RNF216: variants seen among roughly 807,000 people sequenced by gnomAD.
RNF216 encodes E3 ubiquitin-protein ligase RNF216.
Under a neutral mutation model 110.8 loss-of-function variants are expected in RNF216, and 72 were observed. The ratio of observed to expected loss-of-function variants is 0.65; its 90% CI spans 0.54 to 0.79. The LOEUF is 0.79. Among genes scored for constraint, RNF216 ranks in the 30% least tolerant of loss-of-function variants. RNF216 has a pLI of 0.00. For missense variants in RNF216, 1,342 were observed against 1,141.2 expected (o/e 1.18, Z -2.54); for synonymous variants, 495 against 407.5 (o/e 1.21, Z -2.59).
chr7:5,729,067 G>A (rs943384119), intron 7 of RNF216, among the ~76,000 whole-genome samples: 6 of 152,140 alleles, frequency 3.9e-5, no homozygotes, highest in East Asian at 1.9e-4. Context: ...CAGACCTTAC[G>A]TCCTATCACT....
intron 13 of RNF216, among the ~76,000 whole-genome samples, chr7:5,658,813 C>T (rs1788914006): frequency 6.6e-6 from 1 of 152,014 alleles, no homozygotes; most frequent in South Asian, 2.1e-4. Flanking sequence ...TACAAATAAA[C>T]ACATACGCTG....
chr7:5,692,264 C>T lies in RNF216; in HGVS notation c.2061+19497G>A, dbSNP rs183892035. ...AAGCAGACAAGGATTTGCCACTAAGCCTTTTACTTGTTCCTCACATACCAA... is the reference window on the plus strand; with the variant it reads ...AAGCAGACAAGGATTTGCCACTAAGTCTTTTACTTGTTCCTCACATACCAA... On this transcript the variant is annotated intron_variant, in intron 13 of 16. Transcript: ENST00000389902. Among the ~76,000 whole-genome samples the T allele has an allele frequency of 3.3e-5, 5 of 152,304 alleles. No individual in the cohort carries two copies. The East Asian group carries it at 5.8e-4, about 18-fold the overall frequency.
intron 1 of RNF216, among the ~76,000 whole-genome samples, chr7:5,778,775 G>A (rs1009899213): frequency 6.6e-6 from 1 of 152,110 alleles, no homozygotes; most frequent in African/African-American, 2.4e-5. Context: ...ACGGAGTCTC[G>A]CTCTGTCACC....
intron 13 of RNF216, chr7:5,666,563 A>C (rs1427460961): frequency 6.6e-6 from 1 of 152,274 alleles, no homozygotes; most frequent in Non-Finnish European, 1.5e-5. Context: ...GCTGAAGAAG[A>C]GCCTCTGCAA....
intron 14 of RNF216, among the ~76,000 whole-genome samples, chr7:5,651,306 A>C (rs1372908758): frequency 6.6e-6 from 1 of 151,402 alleles, no homozygotes; most frequent in Non-Finnish European, 1.5e-5. Flanking sequence ...GGCTCACTGC[A>C]ACCTCTGCCT....
intron 5 of RNF216, among the ~76,000 whole-genome samples, chr7:5,735,211 C>T (rs1794325779): frequency 6.6e-6 from 1 of 152,138 alleles, no homozygotes; most frequent in African/African-American, 2.4e-5. Flanking sequence ...AGTCTAAAGT[C>T]GTTTCAAACT....
In RNF216 at chr7:5,711,857, G is replaced by A; in HGVS notation, c.1983-18C>T. The A allele has an allele frequency of 6.2e-7, 1 of 1,608,748 alleles. No individual in the cohort carries two copies. Among genetic ancestry groups the A allele is most frequent in the Non-Finnish European group, 8.5e-7 (1 of 1,175,740 alleles). ...ACGGGCACCTAGAGTCAGAACAGCA[G>A]AACTGACATTACTTCAAACATTAAA... On this transcript the variant is annotated intron_variant, in intron 12 of 16. Coordinates refer to ENST00000389902, the MANE Select transcript of RNF216 (RefSeq NM_207111.4).
At chr7:5,761,647 G>A (rs1242361477) in intron 1 of RNF216, among the ~76,000 whole-genome samples, 2 of 152,204 alleles carry the variant, frequency 1.3e-5, no homozygotes, top group South Asian at 2.1e-4. Context: ...TTAGCTGGGC[G>A]TGGTGGCACG....
chr7:5,662,396 C>G (rs1347680187), intron 13 of RNF216: 3 of 152,218 alleles, frequency 2.0e-5, no homozygotes, highest in Admixed American at 2.0e-4. Context: ...ACTCCCTCAA[C>G]CAGCCCCTGG....
At chr7:5,639,147 C>A (rs1197713249) in intron 15 of RNF216, among the ~76,000 whole-genome samples, 1 of 152,160 alleles carries the variant, frequency 6.6e-6, no homozygotes, top group Non-Finnish European at 1.5e-5. Flanking sequence ...TGACCTGTTG[C>A]AGCTTCTGGA....
Position 5,741,381 on chromosome 7 carries a change from T to C in RNF216, c.636A>G (p.Leu212=), listed in dbSNP as rs1462760708. The C allele has an allele frequency of 6.2e-7, 1 of 1,614,182 alleles. No homozygotes were observed. The highest frequency in any genetic ancestry group is 1.1e-5 in the South Asian group (1 of 91,082). The part of the protein sequence containing the change: ...EDSETELLSN[L]GESAALADDQ... Reference sequence around the variant, plus strand: ...CATCTGCTAGAGCAGCTGACTCTCCTAGATTTGATAACAGCTCTGTCTCTG... The same window carrying C: ...CATCTGCTAGAGCAGCTGACTCTCCCAGATTTGATAACAGCTCTGTCTCTG... Residue 212 remains leucine (L), a synonymous_variant, in exon 4 of 17, where the codon CTA becomes CTG. Coordinates refer to ENST00000389902, the MANE Select transcript of RNF216 (RefSeq NM_207111.4).
At chr7:5,688,154 C>T (rs1321998419) in intron 13 of RNF216, among the ~76,000 whole-genome samples, 2 of 152,206 alleles carry the variant, frequency 1.3e-5, no homozygotes, top group African/African-American at 4.8e-5. Flanking sequence ...ACCAGGCTTT[C>T]ACGCACAGAA....
At chr7:5,720,067 A>G (rs1325713295) in intron 9 of RNF216, among the ~76,000 whole-genome samples, 1 of 152,224 alleles carries the variant, frequency 6.6e-6, no homozygotes, top group Non-Finnish European at 1.5e-5. Context: ...TGAAGAAAAC[A>G]ATGATTGTGA....
chr7:5,674,182 A>C (rs1242637995), intron 13 of RNF216, among the ~76,000 whole-genome samples: 3 of 151,814 alleles, frequency 2.0e-5, no homozygotes, highest in Non-Finnish European at 4.4e-5. Flanking sequence ...GGCACCCACC[A>C]CCACGCCCAG....
intron 2 of RNF216, chr7:5,760,620 A>T (rs990708461): frequency 3.3e-6 from 1 of 300,680 alleles, no homozygotes; most frequent in East Asian, 9.2e-5. Flanking sequence ...AAAGAAATTA[A>T]GCATCATGGG....
chr7:5,779,791 T>C (rs1796978500), intron 1 of RNF216, among the ~76,000 whole-genome samples: 1 of 132,000 alleles, frequency 7.6e-6, no homozygotes, highest in South Asian at 2.4e-4. Context: ...ATGGCACCAC[T>C]GCACTTTAGC....
rs904433106 is a variant in RNF216, at chr7:5,696,216, G to C, written c.2061+15545C>G. Among the ~76,000 whole-genome samples, 2 of 152,154 alleles carry C rather than the reference G, an allele frequency of 1.3e-5. No individual in the cohort carries two copies. Among genetic ancestry groups the C allele is most frequent in the Non-Finnish European group, 2.9e-5 (2 of 68,020 alleles). Reference sequence around the variant, plus strand: ...CTTTAAATTGTTTGTATTTCTGTCAGGAGGCCCATGGAAAAAAAGCAGGGC... The same window carrying C: ...CTTTAAATTGTTTGTATTTCTGTCACGAGGCCCATGGAAAAAAAGCAGGGC... On this transcript the variant is annotated intron_variant, in intron 13 of 16. Transcript: ENST00000389902. This position sits in a 1 kb window ranked among gnomAD's most constrained non-coding sequence, Gnocchi z 5.4.
At chr7:5,772,034 G>A (rs1796526165) in intron 1 of RNF216, among the ~76,000 whole-genome samples, 1 of 152,150 alleles carries the variant, frequency 6.6e-6, no homozygotes. Context: ...AGGAGTTCGA[G>A]ACCAGCCTGA....
intron 13 of RNF216, among the ~76,000 whole-genome samples, chr7:5,665,122 ATTC>A (rs1226723894): frequency 1.1e-4 from 16 of 152,176 alleles, no homozygotes; most frequent in South Asian, 8.3e-4. Context: ...TCTAACATGA[ATTC>A]TTCTAACAGT....
Sources: allele counts gnomAD v4.1 joint callset (sites outside exome capture counted in the v4.1 genomes callset), GRCh38; gene constraint gnomAD v4.1.1; non-coding constraint Gnocchi (gnomAD v3.1); transcripts MANE v1.5; gene names NCBI Gene and HGNC (gene_info 2026-07-23, HGNC 2026-07-21).